The following CLSTN2 variants were observed in gnomAD, a reference collection of about 807,000 sequenced individuals.
CLSTN2 encodes the protein calsyntenin-2.
A neutral mutation model predicts 101.2 loss-of-function variants in CLSTN2; 48 were observed. The ratio of observed to expected loss-of-function variants is 0.47; its 90% CI spans 0.38 to 0.60. The LOEUF (loss-of-function observed/expected upper bound fraction) is 0.60, where lower values mean the gene tolerates loss of function less well. CLSTN2 is among the 20% of genes least tolerant of loss of function. CLSTN2 has a pLI of 0.00. For missense variants in CLSTN2, 1,160 were observed against 1,238.2 expected, an observed-to-expected ratio of 0.94 and a Z score of 0.95; for synonymous variants, 481 against 463.6, an observed-to-expected ratio of 1.04 and a Z score of -0.48.
At chr3:139,968,934 T>C (rs1935648781) in intron 1 of CLSTN2, among the ~76,000 whole-genome samples, 1 of 152,214 alleles carries the variant, frequency 6.6e-6, no homozygotes, top group Non-Finnish European at 1.5e-5. Context: ...AAGACATCAT[T>C]ATTAACACTT....
intron 1 of CLSTN2, among the ~76,000 whole-genome samples, chr3:139,941,924 G>A (rs1182395072): frequency 6.6e-6 from 1 of 152,150 alleles, no homozygotes; most frequent in Non-Finnish European, 1.5e-5. Flanking sequence ...TATGAAGGAG[G>A]TAAATCTACA....
At chr3:140,105,748 C>G (rs2009046391) in intron 1 of CLSTN2, among the ~76,000 whole-genome samples, 1 of 152,186 alleles carries the variant, frequency 6.6e-6, no homozygotes, top group Non-Finnish European at 1.5e-5. Context: ...CATTTAGCAT[C>G]TTATCTCCTG....
At position 139,961,650 on chromosome 3, in the gene CLSTN2, T is replaced by A. The variant is rs59235133; in HGVS notation, c.109+26167T>A. Among the ~76,000 whole-genome samples the A allele has an allele frequency of 2.6e-5, 4 of 152,300 alleles. No homozygotes were observed. In the East Asian group the frequency reaches 7.7e-4, roughly 29 times the overall value. On this transcript the variant is annotated intron_variant, in intron 1 of 16. Transcript: ENST00000458420. ...CAGGGCAAGGATTGAAGAAATGCAA[T>A]CTGTTTTTTTATAAGGGCTTGCCTT... is the stretch of plus-strand genomic sequence containing the variant.
chr3:140,409,691 G>A (rs765075963), intron 4 of CLSTN2, among the ~76,000 whole-genome samples: 3 of 152,126 alleles, frequency 2.0e-5, no homozygotes, highest in African/African-American at 7.2e-5. Context: ...TATACTGTCA[G>A]TAAGTAACCA....
intron 1 of CLSTN2, among the ~76,000 whole-genome samples, chr3:139,986,330 C>T (rs1428741687): frequency 6.6e-6 from 1 of 152,084 alleles, no homozygotes; most frequent in Non-Finnish European, 1.5e-5. Flanking sequence ...GCTTCTGAGG[C>T]ACTAGATATT....
intron 2 of CLSTN2, among the ~76,000 whole-genome samples, chr3:140,361,915 G>T (rs1476039728): frequency 6.6e-6 from 1 of 152,096 alleles, no homozygotes; most frequent in Non-Finnish European, 1.5e-5. Flanking sequence ...AAATTCATTG[G>T]CAGATTAAAC....
intron 1 of CLSTN2, among the ~76,000 whole-genome samples, chr3:140,093,347 C>T (rs888275927): frequency 2.0e-5 from 3 of 152,126 alleles, no homozygotes; most frequent in Non-Finnish European, 2.9e-5. Context: ...GATCTGTACC[C>T]GCCATGGCCT....
chr3:140,194,808 C>T (rs1233343246), intron 2 of CLSTN2, among the ~76,000 whole-genome samples: 1 of 152,082 alleles, frequency 6.6e-6, no homozygotes, highest in Non-Finnish European at 1.5e-5. Flanking sequence ...ATATGGTATC[C>T]AGTAATACTG....
intron 2 of CLSTN2, among the ~76,000 whole-genome samples, chr3:140,353,314 T>C (rs2087632320): frequency 6.6e-6 from 1 of 150,902 alleles, no homozygotes; most frequent in Non-Finnish European, 1.5e-5. Context: ...AGTAAAGCCA[T>C]CTGCAGGCTG....
chr3:140,213,861 G>A (rs1171844411), intron 2 of CLSTN2, among the ~76,000 whole-genome samples: 1 of 152,118 alleles, frequency 6.6e-6, no homozygotes, highest in Non-Finnish European at 1.5e-5. Flanking sequence ...AGAGTTGTAA[G>A]CAACAGAAAA....
Position 140,575,734 on chromosome 3 carries a change from C to T in CLSTN2, c.*9481C>T, listed in dbSNP as rs986183727. 2.6e-5 allele frequency: 4 copies of T among 151,724 alleles called. No homozygotes were observed. The highest frequency in any genetic ancestry group is 4.8e-5 in the African/African-American group (2 of 41,270). The allele number at this position is 151,724 out of a possible 1,614,324, so 9.4% of individuals were successfully genotyped here. The stretch of plus-strand genomic sequence containing the variant: ...GAGAGAATGATTTGGTAGGGGTATT[C>T]GAGAAATTTGAGTACAAAATATAAA... On this transcript the variant is annotated 3_prime_UTR_variant, in exon 17 of 17. Coordinates refer to ENST00000458420, the MANE Select transcript of CLSTN2 (RefSeq NM_022131.3).
At chr3:140,488,355 G>T (rs1576594777) in intron 8 of CLSTN2, among the ~76,000 whole-genome samples, 1 of 152,110 alleles carries the variant, frequency 6.6e-6, no homozygotes, top group African/African-American at 2.4e-5. Context: ...CTTATTATCT[G>T]TGTGACCTTA....
At chr3:140,448,479 T>C (rs1397212923) in intron 5 of CLSTN2, 40 bp from the exon 6 acceptor site, 21 of 1,535,864 alleles carry the variant, frequency 1.4e-5, no homozygotes, top group Non-Finnish European at 1.8e-5. Context: ...CAGAACTGAC[T>C]GCACCTGATT....
At chr3:140,455,527 C>T (rs1442990677) in intron 6 of CLSTN2, among the ~76,000 whole-genome samples, 1 of 152,158 alleles carries the variant, frequency 6.6e-6, no homozygotes, top group Non-Finnish European at 1.5e-5. Flanking sequence ...CTGCTAGGGC[C>T]CAGGGACGTC....
chr3:140,434,139 C>T (rs1011150778), intron 5 of CLSTN2, among the ~76,000 whole-genome samples: 29 of 152,162 alleles, frequency 1.9e-4, no homozygotes, highest in African/African-American at 6.8e-4. Flanking sequence ...CCTCTCCCTG[C>T]CACAGTTGTC....
At chr3:140,040,530 C>A (rs539709776) in intron 1 of CLSTN2, among the ~76,000 whole-genome samples, 1 of 151,966 alleles carries the variant, frequency 6.6e-6, no homozygotes, top group South Asian at 2.1e-4. Context: ...AGAAGAAGGT[C>A]AGTGACTAAT....
chr3:140,236,916 TG>T (rs1352999584), intron 2 of CLSTN2, among the ~76,000 whole-genome samples: 28 of 151,612 alleles, frequency 1.8e-4, no homozygotes, highest in African/African-American at 6.8e-4. Context: ...CTCTTCCTTC[TG>T]GAACATATGG....
intron 2 of CLSTN2, among the ~76,000 whole-genome samples, chr3:140,177,301 G>T (rs1253840164): frequency 1.3e-5 from 2 of 152,150 alleles, no homozygotes; most frequent in Admixed American, 6.5e-5. Flanking sequence ...ACTCCTTGCA[G>T]TCTTTACCAC....
intron 1 of CLSTN2, among the ~76,000 whole-genome samples, chr3:139,971,904 G>A (rs931130535): frequency 1.3e-5 from 2 of 152,138 alleles, no homozygotes; most frequent in Admixed American, 1.3e-4. Context: ...ACCTCTGGTA[G>A]TCTCTGAATC....
Sources: gnomAD v4.1 joint callset for allele counts (sites outside exome capture counted in the v4.1 genomes callset) on GRCh38, gnomAD v4.1.1 for gene constraint, MANE v1.5 for transcripts, NCBI Gene and HGNC (gene_info 2026-07-23, HGNC 2026-07-21) for gene names.